The following FCRL4 variants were observed in gnomAD, a reference collection of about 807,000 sequenced individuals.
FCRL4 encodes Fc receptor-like protein 4.
A neutral mutation model predicts 64.1 loss-of-function variants in FCRL4; 43 were observed. The observed-to-expected ratio is 0.67, with a 90% CI of 0.53 to 0.87. The LOEUF (loss-of-function observed/expected upper bound fraction) is 0.87. FCRL4 is among the 40% of genes least tolerant of loss of function. The pLI is 0.00. For missense variants in FCRL4, 656 were observed against 613.5 expected (o/e 1.07, Z -0.73); for synonymous variants, 253 against 239.8 (o/e 1.05, Z -0.51).
chr1:157,575,230 C>A lies in FCRL4; in HGVS notation c.*294G>T. The A allele has an allele frequency of 2.4e-6, 1 of 408,464 alleles. No homozygotes were observed. The highest frequency in any genetic ancestry group is 4.5e-6 in the Non-Finnish European group (1 of 223,586). 25.3% of individuals were successfully genotyped at this position (408,464 alleles called of 1,614,324 possible). The stretch of plus-strand genomic sequence containing the variant: ...AACAGTCCTTCTCTCTCTTTATCCC[C>A]CTTCTCTAAAGCAGACCCTAGGGAA... On this transcript the variant is annotated 3_prime_UTR_variant, in exon 12 of 12. Transcript: ENST00000271532.
At chr1:157,594,476 A>C (rs1380055802) in intron 2 of FCRL4, among the ~76,000 whole-genome samples, 1 of 152,228 alleles carries the variant, frequency 6.6e-6, no homozygotes, top group Non-Finnish European at 1.5e-5. Flanking sequence ...TATTAGATTC[A>C]TGCTTTGCCC....
At position 157,578,456 on chromosome 1, in the gene FCRL4, C is replaced by G; in HGVS notation, c.1429+18G>C. On this transcript the variant is annotated intron_variant, in intron 10 of 11. Coordinates refer to ENST00000271532, the MANE Select transcript of FCRL4 (RefSeq NM_031282.3). ...AATGAATATAGTTTGCAGCCAGAATCTCTTCCCAAAGACGTACCTTCCTCT... is the reference window on the plus strand; with the variant it reads ...AATGAATATAGTTTGCAGCCAGAATGTCTTCCCAAAGACGTACCTTCCTCT... The G allele has an allele frequency of 6.3e-7, 1 of 1,599,716 alleles. No individual in the cohort carries two copies. Among genetic ancestry groups the G allele is most frequent in the Non-Finnish European group, 8.6e-7 (1 of 1,166,908 alleles).
chr1:157,593,002 C>A (rs1057041064), intron 2 of FCRL4, among the ~76,000 whole-genome samples: 1 of 152,144 alleles, frequency 6.6e-6, no homozygotes, highest in Admixed American at 6.5e-5. Flanking sequence ...AACCAAACAC[C>A]GCATGTTCTC....
In FCRL4 at chr1:157,589,261, T is replaced by G; in HGVS notation, c.250A>C (p.Arg84=). 1 of 1,614,216 alleles carries G rather than the reference T, an allele frequency of 6.2e-7. No individual in the cohort carries two copies. ...TLEVRESGLY[R]CQARGSPRSN... The stretch of plus-strand genomic sequence containing the variant: ...CGTGGGGAGCCCCGGGCCTGGCATC[T>G]GTACAGTCCAGATTCCCGAACCTCG... Residue 84 remains arginine (R), a synonymous_variant, in exon 3 of 12, where the codon AGA becomes CGA. Coordinates refer to ENST00000271532, the MANE Select transcript of FCRL4 (RefSeq NM_031282.3).
chr1:157,575,535 C>T lies in FCRL4; in HGVS notation c.1537G>A (p.Glu513Lys). The change falls in exon 12 of 12, where the codon GAA becomes AAA. Residue 513 changes from glutamate (E) to lysine (K), a missense_variant. Physicochemically the swap from Glu to Lys is moderately conservative, Grantham distance 56. Coordinates refer to ENST00000271532, the MANE Select transcript of FCRL4 (RefSeq NM_031282.3). ...NSAGKISSKD[E>K]ES Reference sequence around the variant, plus strand: ...AACTTTTCATTCTCTTAACTTTCTTCATCCTTAGAGCTGATCTTTCCAGCT... The same window carrying T: ...AACTTTTCATTCTCTTAACTTTCTTTATCCTTAGAGCTGATCTTTCCAGCT... 7 of 1,613,266 alleles carry T rather than the reference C, an allele frequency of 4.3e-6. No homozygotes were observed. Among genetic ancestry groups the T allele is most frequent in the Non-Finnish European group, 5.1e-6 (6 of 1,179,420 alleles).
chr1:157,592,700 T>G (rs145584930), intron 2 of FCRL4, among the ~76,000 whole-genome samples: 6,409 of 152,262 alleles, frequency 0.042, 345 homozygotes, highest in African/African-American at 0.12. Context: ...GATCTAGAAC[T>G]AGAAATACCA....
At chr1:157,584,164 A>T (rs1001383004) in intron 6 of FCRL4, among the ~76,000 whole-genome samples, 3 of 152,218 alleles carry the variant, frequency 2.0e-5, no homozygotes, top group African/African-American at 4.8e-5. Context: ...TTTTCAGAAT[A>T]AGAGCCTTCC....
chr1:157,596,489 G>T, intron 1 of FCRL4, 141 bp from the exon 2 acceptor site: 1 of 944,382 alleles, frequency 1.1e-6, no homozygotes, highest in Non-Finnish European at 1.7e-6. Flanking sequence ...GGGAAGCGGG[G>T]AAACACAGTG....
At chr1:157,594,918 T>C (rs1000657728) in intron 2 of FCRL4, among the ~76,000 whole-genome samples, 5 of 152,212 alleles carry the variant, frequency 3.3e-5, no homozygotes, top group African/African-American at 1.2e-4. Context: ...ATTTTATTTT[T>C]CAGATAGAGT....
rs1313641877 is a variant in FCRL4 at position 157,586,346 on chromosome 1, G to A, written c.957C>T (p.Thr319=). Residue 319 remains threonine, a synonymous_variant, in exon 6 of 12, where the codon ACC becomes ACT. Coordinates refer to ENST00000271532, the MANE Select transcript of FCRL4 (RefSeq NM_031282.3). The part of the protein sequence containing the change: ...VCSVAEGTGD[T]TFSWHREDMQ... Reference sequence around the variant, plus strand: ...TGTCCTCTCGGTGCCAGGAGAATGTGGTATCCCCTGTGCCTTCAGCCACGG... The same window carrying A: ...TGTCCTCTCGGTGCCAGGAGAATGTAGTATCCCCTGTGCCTTCAGCCACGG... 1 of 1,613,676 alleles carries A rather than the reference G, an allele frequency of 6.2e-7. No homozygotes were observed. Among genetic ancestry groups the A allele is most frequent in the African/African-American group, 1.3e-5 (1 of 74,982 alleles).
intron 2 of FCRL4, among the ~76,000 whole-genome samples, chr1:157,594,847 A>G (rs1652923629): frequency 6.6e-6 from 1 of 152,230 alleles, no homozygotes; most frequent in East Asian, 1.9e-4. Flanking sequence ...TTTTACATGA[A>G]GAAGCTAAAT....
chr1:157,596,467 C>A (rs1487077090), intron 1 of FCRL4, 119 bp from the exon 2 acceptor site: 3 of 1,109,238 alleles, frequency 2.7e-6, no homozygotes, highest in Non-Finnish European at 2.7e-6. Flanking sequence ...ACGTTCCATT[C>A]CATCCATCCC....
chr1:157,575,594 T>G lies in FCRL4; in HGVS notation c.1478A>C (p.Tyr493Ser). Residue 493 changes from tyrosine (Y) to serine (S), a missense_variant, in exon 12 of 12, where the codon TAC becomes TCC. Tyr to Ser is a moderately radical substitution (Grantham distance 144). Coordinates refer to ENST00000271532, the MANE Select transcript of FCRL4 (RefSeq NM_031282.3). ...TGGGTGTTGTGTCTTTACCTCAGAGTAGACAACTGAGACATCCTGAAATGG... is the reference window on the plus strand; with the variant it reads ...TGGGTGTTGTGTCTTTACCTCAGAGGAGACAACTGAGACATCCTGAAATGG... Reference protein sequence around the residue: ...LLEDKDVSVVYSEVKTQHPDN... With the variant: ...LLEDKDVSVVSSEVKTQHPDN... 1 of 1,613,250 alleles carries G rather than the reference T, an allele frequency of 6.2e-7. No homozygotes were observed. The highest frequency in any genetic ancestry group is 8.5e-7 in the Non-Finnish European group (1 of 1,179,364).
chr1:157,583,787 C>T (rs75638380), intron 6 of FCRL4, among the ~76,000 whole-genome samples: 3,580 of 152,324 alleles, frequency 0.024, 53 homozygotes, highest in Non-Finnish European at 0.034. Flanking sequence ...CATGAGGCTA[C>T]TGCAGAGTTT....
At chr1:157,592,464 A>T (rs1186508005) in intron 2 of FCRL4, among the ~76,000 whole-genome samples, 1 of 152,242 alleles carries the variant, frequency 6.6e-6, no homozygotes, top group Non-Finnish European at 1.5e-5. Flanking sequence ...ACATTTATGT[A>T]GCCAACAGAC....
intron 6 of FCRL4, 79 bp downstream of exon 6, chr1:157,586,089 G>A (rs1243789559): frequency 5.1e-6 from 7 of 1,381,388 alleles, no homozygotes; most frequent in Non-Finnish European, 5.9e-6. Flanking sequence ...CAGAGTCACA[G>A]GGTAATGTTA....
rs754023512 is a variant in FCRL4, at chr1:157,578,517, T to C, written c.1386A>G (p.Val462=). 7.4e-6 allele frequency: 12 copies of C among 1,614,044 alleles called. No homozygotes were observed. The East Asian group carries it at 1.3e-4, about 18-fold the overall frequency. The change falls in exon 10 of 12, where the codon GTA becomes GTG. Residue 462 remains valine, a synonymous_variant. Coordinates refer to ENST00000271532, the MANE Select transcript of FCRL4 (RefSeq NM_031282.3). ...GCTGAGTAGTCTGGATCTCAGAGTA[T>C]ACCAAATCTCCCTTTTTGGGGTGTA... The part of the protein sequence containing the change: ...VDVHPKKGDL[V]YSEIQTTQLG...
chr1:157,585,394 C>CTTTCTTTCTTTCTTTCTTT (rs1558155158), intron 6 of FCRL4, among the ~76,000 whole-genome samples: 4 of 76,006 alleles, frequency 5.3e-5, no homozygotes, highest in African/African-American at 1.8e-4. Context: ...TTCTTTCTTT[C>CTTTCTTTCTTTCTTTCTTT]CTTCTTTCTT....
In FCRL4 at chr1:157,587,412, C is replaced by G. The variant is rs376667933; in HGVS notation, c.711G>C (p.Leu237=). Residue 237 remains leucine (L), a synonymous_variant, in exon 5 of 12, where the codon CTG becomes CTC. Transcript: ENST00000271532. Reference sequence around the variant, plus strand: ...GTTCCGGGTACGTGCTCCAGTCTGACAGGATGACCTCGCCATCTCTGAAGA... The same window carrying G: ...GTTCCGGGTACGTGCTCCAGTCTGAGAGGATGACCTCGCCATCTCTGAAGA... ...FNFFRDGEVI[L]SDWSTYPELQ... 10 of 1,614,122 alleles carry G rather than the reference C, an allele frequency of 6.2e-6. No homozygotes were observed. The highest frequency in any genetic ancestry group is 7.6e-6 in the Non-Finnish European group (9 of 1,180,050).
Sources: allele counts gnomAD v4.1 joint callset (sites outside exome capture counted in the v4.1 genomes callset), GRCh38; gene constraint gnomAD v4.1.1; transcripts MANE v1.5; gene names NCBI Gene and HGNC (gene_info 2026-07-23, HGNC 2026-07-21).